Variants in PHEX observed in about 807,000 individuals in gnomAD.
PHEX encodes the protein phosphate-regulating neutral endopeptidase PHEX.
Under a neutral mutation model 68.0 loss-of-function variants are expected in PHEX, and 16 were observed. The ratio of observed to expected loss-of-function variants is 0.24; its 90% CI spans 0.16 to 0.36. PHEX has a LOEUF of 0.36. PHEX is among the 10% of genes least tolerant of loss of function. The probability of loss-of-function intolerance (pLI) is 1.00; values close to 1 mark genes in which losing one functional copy is unlikely to be tolerated. For synonymous variants in PHEX, 208 were observed against 205.1 expected (o/e 1.01, Z -0.12); for missense variants, 480 against 575.5 (o/e 0.83, Z 1.70).
intron 15 of PHEX, among the ~76,000 whole-genome samples, chrX:22,191,442 G>T (rs1168417500): frequency 8.9e-6 from 1 of 112,629 alleles, no homozygotes; most frequent in Non-Finnish European, 1.9e-5. Flanking sequence ...CATCCACTTT[G>T]CAGGGCAATT....
At chrX:22,220,533 C>T (rs1935237092) in intron 17 of PHEX, among the ~76,000 whole-genome samples, 2 of 111,882 alleles carry the variant, frequency 1.8e-5, no homozygotes, top group Admixed American at 9.5e-5. Flanking sequence ...GTCCTTTCTT[C>T]GTTCTGGACC....
intron 21 of PHEX, among the ~76,000 whole-genome samples, chrX:22,247,479 A>G (rs1936423669): frequency 8.9e-6 from 1 of 112,302 alleles, no homozygotes; most frequent in Non-Finnish European, 1.9e-5. Flanking sequence ...GGCAGATAGT[A>G]ATATGGGCAT....
At chrX:22,101,297 C>T (rs954536446) in intron 9 of PHEX, among the ~76,000 whole-genome samples, 1 of 112,607 alleles carries the variant, frequency 8.9e-6, no homozygotes, top group Admixed American at 9.4e-5. Context: ...TTCAATACAA[C>T]GTACACATCA....
intron 3 of PHEX, among the ~76,000 whole-genome samples, chrX:22,070,334 A>G (rs961750468): frequency 3.6e-5 from 4 of 111,419 alleles, no homozygotes; most frequent in East Asian, 2.8e-4. Context: ...TGTTACCACA[A>G]TCTGCATGAA....
chrX:22,088,376 A>AACT (rs1280138497), intron 5 of PHEX, among the ~76,000 whole-genome samples: 1 of 111,646 alleles, frequency 9.0e-6, no homozygotes, highest in Non-Finnish European at 1.9e-5. Context: ...CTTTATAAGA[A>AACT]ACTGTAAAAT....
intron 2 of PHEX, among the ~76,000 whole-genome samples, chrX:22,045,657 A>G (rs1927495871): frequency 8.9e-6 from 1 of 112,441 alleles, no homozygotes; most frequent in South Asian, 3.6e-4. Flanking sequence ...TAACTTATAC[A>G]CATACTCAGT....
intron 20 of PHEX, among the ~76,000 whole-genome samples, chrX:22,236,754 A>T (rs1284119011): frequency 3.6e-5 from 4 of 110,519 alleles, no homozygotes; most frequent in African/African-American, 1.3e-4. Context: ...TTTCAGAAAA[A>T]GTTTGCTAAC....
chrX:22,096,427 C>T lies in PHEX; in HGVS notation c.850-528C>T, dbSNP rs755920073. On this transcript the variant is annotated intron_variant, in intron 7 of 21. Transcript: ENST00000379374. The stretch of plus-strand genomic sequence containing the variant: ...GCGGTGACTAAATCCATACCCCCAG[C>T]AATGGGGCTAGGGAAATCTCAAGGC... 3.6e-5 allele frequency among the ~76,000 whole-genome samples: 4 copies of T among 111,885 alleles called. No individual in the cohort carries two copies. The South Asian group carries it at 1.5e-3, about 42-fold the overall frequency.
chrX:22,213,085 G>A (rs1458645035), intron 16 of PHEX, 127 bp downstream of exon 16: 8 of 565,690 alleles, frequency 1.4e-5, no homozygotes, highest in South Asian at 4.8e-5. Context: ...GGCGTGGGTC[G>A]CCTGTACTCT....
At chrX:22,146,062 A>T (rs768620499) in intron 12 of PHEX, among the ~76,000 whole-genome samples, 1 of 112,245 alleles carries the variant, frequency 8.9e-6, no homozygotes, top group Non-Finnish European at 1.9e-5. Flanking sequence ...TCCTTTAGTG[A>T]ATTTTGACAT....
intron 11 of PHEX, among the ~76,000 whole-genome samples, chrX:22,129,129 G>C (rs776217486): frequency 9.0e-6 from 1 of 111,137 alleles, no homozygotes; most frequent in South Asian, 3.9e-4. Flanking sequence ...AAGATAGCTA[G>C]CAAGTGACTA....
chrX:22,066,933 G>T (rs1928630372), intron 3 of PHEX, among the ~76,000 whole-genome samples: 1 of 111,226 alleles, frequency 9.0e-6, no homozygotes, highest in African/African-American at 3.3e-5. Flanking sequence ...TGAGGATGTG[G>T]TATAAACTGG....
chrX:22,091,234 T>A (rs1024242629), intron 6 of PHEX, among the ~76,000 whole-genome samples: 1 of 111,963 alleles, frequency 8.9e-6, no homozygotes, highest in Non-Finnish European at 1.9e-5. Flanking sequence ...GGCAGCTTTC[T>A]TGCTGAGGAC....
rs192253056 is a variant in PHEX, at chrX:22,228,374, G to T, written c.2070+763G>T. ...CAAAGCTAGACAAAAATTTTCATCAGTACAACCTTTTGTTCCTAAGTCTGT... is the reference window on the plus strand; with the variant it reads ...CAAAGCTAGACAAAAATTTTCATCATTACAACCTTTTGTTCCTAAGTCTGT... On this transcript the variant is annotated intron_variant, in intron 20 of 21. Coordinates refer to ENST00000379374, the MANE Select transcript of PHEX (RefSeq NM_000444.6). 2.7e-5 allele frequency among the ~76,000 whole-genome samples: 3 copies of T among 111,954 alleles called. No individual in the cohort carries two copies. In the East Asian group the frequency reaches 8.4e-4, roughly 31 times the overall value.
At position 22,110,471 on chromosome X, in the gene PHEX, C is replaced by T. The variant is rs772145602; in HGVS notation, c.1080-996C>T. Among the ~76,000 whole-genome samples, 5 of 111,371 alleles carry T rather than the reference C, an allele frequency of 4.5e-5. No individual in the cohort carries two copies. In the South Asian group the frequency reaches 1.5e-3, roughly 33 times the overall value. On this transcript the variant is annotated intron_variant, in intron 9 of 21. Transcript: ENST00000379374. Reference sequence around the variant, plus strand: ...CCTTGTTTTCATTTTTTAAATTATACTTTAAGTTCTAGGGTACATGTGTAC... The same window carrying T: ...CCTTGTTTTCATTTTTTAAATTATATTTTAAGTTCTAGGGTACATGTGTAC...
At chrX:22,232,353 A>G (rs1466618610) in intron 20 of PHEX, among the ~76,000 whole-genome samples, 1 of 110,059 alleles carries the variant, frequency 9.1e-6, no homozygotes, top group African/African-American at 3.3e-5. Flanking sequence ...CCATTTATCT[A>G]ATATTGACAG....
In PHEX at chrX:22,173,316, T is replaced by C. The variant is rs147523585; in HGVS notation, c.1482+4927T>C. On this transcript the variant is annotated intron_variant, in intron 13 of 21. Transcript: ENST00000379374. Reference sequence around the variant, plus strand: ...CTCACATTGGCCTTCATCCAGACTGTTCCACTGGTCAGAGCAGACCAAGAC... The same window carrying C: ...CTCACATTGGCCTTCATCCAGACTGCTCCACTGGTCAGAGCAGACCAAGAC... 7.7e-3 allele frequency among the ~76,000 whole-genome samples: 846 copies of C among 109,907 alleles called. 7 individuals are homozygous for C. Among genetic ancestry groups the C allele is most frequent in the African/African-American group, 0.027 (817 of 30,262 alleles).
intron 5 of PHEX, among the ~76,000 whole-genome samples, chrX:22,089,482 G>C (rs373435156): frequency 1.0e-3 from 113 of 107,737 alleles, no homozygotes; most frequent in Non-Finnish European, 1.8e-3. Flanking sequence ...GTGTAGTGGC[G>C]TGATCTCTGC....
intron 3 of PHEX, among the ~76,000 whole-genome samples, chrX:22,055,187 A>C (rs1164188238): frequency 4.9e-5 from 1 of 20,321 alleles, no homozygotes; most frequent in African/African-American, 3.0e-4. Context: ...AAAAAAAAAA[A>C]AAAAAAAAAA....
Sources: allele counts gnomAD v4.1 joint callset (sites outside exome capture counted in the v4.1 genomes callset), GRCh38; gene constraint gnomAD v4.1.1; transcripts MANE v1.5; gene names NCBI Gene and HGNC (gene_info 2026-07-23, HGNC 2026-07-21).